The following RBM47 variants were observed in gnomAD, a reference collection of about 807,000 sequenced individuals.
The protein encoded by RBM47 is RNA-binding protein 47.
A neutral mutation model predicts 47.1 loss-of-function variants in RBM47; 21 were observed. The ratio of observed to expected loss-of-function variants is 0.45; its 90% CI spans 0.32 to 0.64. RBM47 has a LOEUF of 0.64. Ranked by LOEUF, RBM47 falls within the 30% of genes least tolerant of loss-of-function variation. The probability of loss-of-function intolerance (pLI) is 0.05; values close to 1 mark genes in which losing one functional copy is unlikely to be tolerated. For missense variants in RBM47, 708 were observed against 870.9 expected, an observed-to-expected ratio of 0.81 and a Z score of 2.35; for synonymous variants, 375 against 361.7, an observed-to-expected ratio of 1.04 and a Z score of -0.42.
chr4:40,537,277 A>ATTT (rs35048399), intron 2 of RBM47, among the ~76,000 whole-genome samples: 2 of 149,010 alleles, frequency 1.3e-5, no homozygotes, highest in African/African-American at 5.0e-5. Flanking sequence ...ATGCCCAGCT[A>ATTT]TTTTTTTTTT....
chr4:40,436,738 C>A, intron 4 of RBM47, 91 bp from the exon 5 acceptor site: 1 of 1,263,574 alleles, frequency 7.9e-7, no homozygotes. Flanking sequence ...TTTAACTGCC[C>A]CAGTCTTAAT....
intron 6 of RBM47, chr4:40,426,848 A>C (rs2154208077): frequency 6.6e-6 from 1 of 152,330 alleles, no homozygotes; most frequent in East Asian, 1.9e-4. Flanking sequence ...TCTGTACTGT[A>C]TTCCGGAATC....
At chr4:40,573,348 C>G (rs1472806903) in intron 1 of RBM47, among the ~76,000 whole-genome samples, 1 of 151,668 alleles carries the variant, frequency 6.6e-6, no homozygotes. Context: ...TCTCCAGGGC[C>G]ACTGTTAATT....
chr4:40,476,519 A>C (rs1719632564), intron 2 of RBM47, among the ~76,000 whole-genome samples: 1 of 152,042 alleles, frequency 6.6e-6, no homozygotes, highest in African/African-American at 2.4e-5. Context: ...AGAATGAAAG[A>C]GAAGCAGGCA....
intron 2 of RBM47, among the ~76,000 whole-genome samples, chr4:40,529,945 T>C (rs1287400249): frequency 7.3e-6 from 1 of 137,760 alleles, no homozygotes; most frequent in African/African-American, 2.7e-5. Context: ...TTTTTTTTTT[T>C]TTTTTTTTGA....
rs1311766629 is a variant in RBM47 at position 40,437,105 on chromosome 4, A to G, written c.1124-458T>C. 4.1e-4 allele frequency among the ~76,000 whole-genome samples: 35 copies of G among 86,020 alleles called. 7 individuals are homozygous for G. Among genetic ancestry groups the G allele is most frequent in the African/African-American group, 2.3e-3 (35 of 15,242 alleles). The allele number at this position is 86,020 out of a possible 152,430, so 56.4% of individuals were successfully genotyped here. Reference sequence around the variant, plus strand: ...AAAAAAAAAAAATATATATATATATATATATAAAATACATATATATATATA... The same window carrying G: ...AAAAAAAAAAAATATATATATATATGTATATAAAATACATATATATATATA... On this transcript the variant is annotated intron_variant, in intron 4 of 6. Coordinates refer to ENST00000295971, the MANE Select transcript of RBM47 (RefSeq NM_001098634.2).
At chr4:40,504,209 C>T (rs889131446) in intron 2 of RBM47, among the ~76,000 whole-genome samples, 5 of 151,704 alleles carry the variant, frequency 3.3e-5, no homozygotes, top group African/African-American at 9.7e-5. Flanking sequence ...TAAGGCATAC[C>T]TATTTGTGTG....
intron 1 of RBM47, among the ~76,000 whole-genome samples, chr4:40,591,721 G>A (rs996608379): frequency 5.9e-5 from 9 of 152,046 alleles, no homozygotes; most frequent in African/African-American, 2.2e-4. Context: ...AAGAAAAGAA[G>A]ATATGTGGGG....
At chr4:40,465,572 G>A (rs756723098) in intron 3 of RBM47, among the ~76,000 whole-genome samples, 9 of 152,066 alleles carry the variant, frequency 5.9e-5, no homozygotes, top group East Asian at 1.9e-4. Context: ...CCACCTACTC[G>A]GGAGGCTGAA....
rs549897104 is a variant in RBM47, at chr4:40,486,809, T to C, written c.-154-20110A>G. On this transcript the variant is annotated intron_variant, in intron 2 of 6. Transcript: ENST00000295971. ...CTATGATTCAACAGAGCACACATCC[T>C]GTTTAATAACAAAGGCATTTATGCA... Among the ~76,000 whole-genome samples the C allele has an allele frequency of 9.8e-5, 15 of 152,346 alleles. 1 individual carries two copies. In the South Asian group the frequency reaches 2.9e-3, roughly 29 times the overall value.
intron 2 of RBM47, among the ~76,000 whole-genome samples, chr4:40,522,082 T>C (rs1726245930): frequency 6.6e-6 from 1 of 152,200 alleles, no homozygotes; most frequent in Non-Finnish European, 1.5e-5. Flanking sequence ...TAACCAACCA[T>C]GATGTTACAG....
intron 2 of RBM47, among the ~76,000 whole-genome samples, chr4:40,485,690 C>A (rs1281553405): frequency 1.3e-5 from 2 of 152,028 alleles, no homozygotes; most frequent in Non-Finnish European, 2.9e-5. Context: ...TAGTGTCAGT[C>A]ATGATTCTGG....
chr4:40,593,883 CAAAA>C (rs34280289), intron 1 of RBM47, among the ~76,000 whole-genome samples: 2 of 116,254 alleles, frequency 1.7e-5, no homozygotes. Flanking sequence ...GACTCTGTCT[CAAAA>C]AAAAAAAAAA....
chr4:40,477,523 A>G (rs955502473), intron 2 of RBM47, among the ~76,000 whole-genome samples: 3 of 152,210 alleles, frequency 2.0e-5, no homozygotes, highest in South Asian at 2.1e-4. Flanking sequence ...CTGTTTTTCT[A>G]TAAGAGTAAT....
rs1166077352 is a variant in RBM47, at chr4:40,534,498, T to G, written c.-155+9924A>C. Among the ~76,000 whole-genome samples, 3 of 152,050 alleles carry G rather than the reference T, an allele frequency of 2.0e-5. No individual in the cohort carries two copies. The South Asian group carries it at 6.2e-4, about 31-fold the overall frequency. ...CACTCCGTATAGCTAAAATTCAGGG[T>G]GTAGATTCCATGATTTTCAATGCAT... On this transcript the variant is annotated intron_variant, in intron 2 of 6. Coordinates refer to ENST00000295971, the MANE Select transcript of RBM47 (RefSeq NM_001098634.2).
chr4:40,572,593 A>T (rs1482321372), intron 1 of RBM47, among the ~76,000 whole-genome samples: 1 of 151,804 alleles, frequency 6.6e-6, no homozygotes, highest in Non-Finnish European at 1.5e-5. Context: ...ATTTGAACAA[A>T]ACAACAACTT....
At chr4:40,445,179 C>T (rs1714338704) in intron 3 of RBM47, among the ~76,000 whole-genome samples, 1 of 149,904 alleles carries the variant, frequency 6.7e-6, no homozygotes, top group Non-Finnish European at 1.5e-5. Flanking sequence ...GAGGCTGAGG[C>T]AGGAGAATGG....
chr4:40,443,617 T>C (rs1306245479), intron 3 of RBM47, among the ~76,000 whole-genome samples: 1 of 146,718 alleles, frequency 6.8e-6, no homozygotes, highest in African/African-American at 2.5e-5. Context: ...CTCAGGATGC[T>C]AAGGCAGGAG....
intron 1 of RBM47, among the ~76,000 whole-genome samples, chr4:40,594,763 G>A (rs1734601598): frequency 6.6e-6 from 1 of 151,978 alleles, no homozygotes; most frequent in African/African-American, 2.4e-5. Flanking sequence ...CCTCCTGACT[G>A]TCTCCCTCCT....
Sources: gnomAD v4.1 joint callset for allele counts (sites outside exome capture counted in the v4.1 genomes callset) on GRCh38, gnomAD v4.1.1 for gene constraint, MANE v1.5 for transcripts, NCBI Gene and HGNC (gene_info 2026-07-23, HGNC 2026-07-21) for gene names.